NELL2: variants seen among roughly 807,000 people sequenced by gnomAD.
NELL2 encodes the protein protein kinase C-binding protein NELL2.
NELL2 carries 41 observed loss-of-function variants against 109.6 expected under a neutral mutation model. The ratio of observed to expected loss-of-function variants is 0.37; its 90% CI spans 0.29 to 0.49. The LOEUF is 0.49. Among genes scored for constraint, NELL2 ranks in the 20% least tolerant of loss-of-function variants. The pLI, the probability that NELL2 is intolerant of heterozygous loss-of-function variation, is 0.98. For synonymous variants in NELL2, 355 were observed against 344.7 expected (o/e 1.03, Z -0.33); for missense variants, 900 against 1,008.3 (o/e 0.89, Z 1.45).
At chr12:44,528,046 C>T (rs1941871124) in intron 16 of NELL2, among the ~76,000 whole-genome samples, 2 of 133,694 alleles carry the variant, frequency 1.5e-5, no homozygotes, top group Non-Finnish European at 3.0e-5. Context: ...TGCAGTGAGC[C>T]GAGATCGCCT....
chr12:44,610,841 C>T lies in NELL2; in HGVS notation c.1567+7G>A, dbSNP rs1473092652. 10 of 1,612,690 alleles carry T rather than the reference C, an allele frequency of 6.2e-6. No individual in the cohort carries two copies. The highest frequency in any genetic ancestry group is 7.6e-6 in the Non-Finnish European group (9 of 1,179,060). ...ATGGAAGAGGCACTGGCATTTAAAC[C>T]TTTTACCTTTGCATGTCGTTCCATT... On this transcript the variant is annotated splice_region_variant and intron_variant, in intron 14 of 19. Coordinates refer to ENST00000429094, the MANE Select transcript of NELL2 (RefSeq NM_001145108.2).
At chr12:44,557,833 C>T (rs74562145) in intron 15 of NELL2, among the ~76,000 whole-genome samples, 2,243 of 151,886 alleles carry the variant, frequency 0.015, 45 homozygotes, top group African/African-American at 0.051. Flanking sequence ...AAAGAGGAAC[C>T]AAAGGAAGAA....
At chr12:44,685,515 G>A (rs948541594) in intron 12 of NELL2, among the ~76,000 whole-genome samples, 1 of 151,972 alleles carries the variant, frequency 6.6e-6, no homozygotes, top group African/African-American at 2.4e-5. Context: ...AGTCTCGATG[G>A]TCTTTACATT....
chr12:44,858,710 C>T (rs1191685639), intron 2 of NELL2, among the ~76,000 whole-genome samples: 3 of 152,032 alleles, frequency 2.0e-5, no homozygotes, highest in Admixed American at 1.3e-4. Context: ...ATGTCTATCC[C>T]GGCAATGTCA....
chr12:44,733,352 A>C (rs1939469510), intron 9 of NELL2, among the ~76,000 whole-genome samples: 1 of 152,020 alleles, frequency 6.6e-6, no homozygotes, highest in South Asian at 2.1e-4. Flanking sequence ...TAGTATATAC[A>C]TACAATGGAA....
At chr12:44,914,853 A>ATTT (rs57519881), upstream of NELL2, among the ~76,000 whole-genome samples, 3 of 146,868 alleles carry the variant, frequency 2.0e-5, no homozygotes, top group African/African-American at 7.5e-5. Flanking sequence ...TAAAAAAGAA[A>ATTT]TTTTTTTTTT....
intron 15 of NELL2, among the ~76,000 whole-genome samples, chr12:44,583,577 T>A (rs1237230109): frequency 2.0e-5 from 3 of 152,194 alleles, no homozygotes; most frequent in African/African-American, 7.2e-5. Flanking sequence ...ACTGTGTGAA[T>A]TATTAATAAA....
At chr12:44,675,961 C>G (rs1948302538) in intron 12 of NELL2, among the ~76,000 whole-genome samples, 1 of 152,054 alleles carries the variant, frequency 6.6e-6, no homozygotes, top group South Asian at 2.1e-4. Context: ...CCACATTATA[C>G]CTAGGATGTC....
At chr12:44,778,796 T>C (rs1342617913) in intron 5 of NELL2, among the ~76,000 whole-genome samples, 1 of 152,234 alleles carries the variant, frequency 6.6e-6, no homozygotes, top group African/African-American at 2.4e-5. Flanking sequence ...GCAAGGCTAC[T>C]ATTAGATGGA....
chr12:44,683,918 G>A (rs1948620300), intron 12 of NELL2, among the ~76,000 whole-genome samples: 1 of 152,168 alleles, frequency 6.6e-6, no homozygotes, highest in Non-Finnish European at 1.5e-5. Context: ...TTGGTATCAG[G>A]ATGATGCTGG....
chr12:44,711,171 T>C, intron 11 of NELL2, 121 bp downstream of exon 11: 1 of 686,948 alleles, frequency 1.5e-6, no homozygotes, highest in Non-Finnish European at 2.5e-6. Flanking sequence ...GGAGAGCATA[T>C]AGGGAAATAC....
intron 3 of NELL2, among the ~76,000 whole-genome samples, chr12:44,782,400 G>A (rs918416944): frequency 6.6e-6 from 1 of 151,770 alleles, no homozygotes; most frequent in Non-Finnish European, 1.5e-5. Flanking sequence ...TTAAACTCAA[G>A]CATATAATTT....
chr12:44,553,219 T>A (rs936170193), intron 15 of NELL2, among the ~76,000 whole-genome samples: 1 of 148,574 alleles, frequency 6.7e-6, no homozygotes, highest in African/African-American at 2.5e-5. Context: ...TGTATACATA[T>A]GTAACTAACC....
intron 13 of NELL2, among the ~76,000 whole-genome samples, chr12:44,641,082 AAG>A (rs1487292696): frequency 1.3e-5 from 2 of 152,210 alleles, no homozygotes; most frequent in Non-Finnish European, 2.9e-5. Flanking sequence ...GCTAGTTAAA[AAG>A]AGAGAAAAGA....
chr12:44,629,449 G>A (rs183739599), intron 13 of NELL2, among the ~76,000 whole-genome samples: 27 of 152,108 alleles, frequency 1.8e-4, no homozygotes, highest in African/African-American at 4.6e-4. Context: ...GCAGAATTGC[G>A]GTACCCCTGC....
At chr12:44,814,698 A>G (rs970722323) in intron 3 of NELL2, among the ~76,000 whole-genome samples, 1 of 152,174 alleles carries the variant, frequency 6.6e-6, no homozygotes, top group South Asian at 2.1e-4. Flanking sequence ...GGAGCTAAAG[A>G]TGTAATTAAA....
At chr12:44,587,542 A>G (rs139044156) in intron 15 of NELL2, among the ~76,000 whole-genome samples, 30 of 152,132 alleles carry the variant, frequency 2.0e-4, no homozygotes, top group African/African-American at 7.0e-4. Flanking sequence ...AATGTCTAAT[A>G]ATGCTGGGTA....
At chr12:44,822,554 G>A (rs1021480827) in intron 2 of NELL2, among the ~76,000 whole-genome samples, 1 of 152,166 alleles carries the variant, frequency 6.6e-6, no homozygotes, top group Admixed American at 6.5e-5. Context: ...CATTTGATTT[G>A]GTGCTCAGAG....
intron 9 of NELL2, among the ~76,000 whole-genome samples, chr12:44,748,771 TAA>T (rs1258584047): frequency 1.3e-5 from 2 of 152,144 alleles, no homozygotes; most frequent in Non-Finnish European, 2.9e-5. Context: ...TTTACCAAAT[TAA>T]AAGAGTCAGA....
Sources: gnomAD v4.1 joint callset for allele counts (sites outside exome capture counted in the v4.1 genomes callset) on GRCh38, gnomAD v4.1.1 for gene constraint, MANE v1.5 for transcripts, NCBI Gene and HGNC (gene_info 2026-07-23, HGNC 2026-07-21) for gene names.